The following NRG1 variants were observed in gnomAD, a reference collection of about 807,000 sequenced individuals.
NRG1 encodes neuregulin 1, also known as pro-neuregulin-1, membrane-bound isoform.
A neutral mutation model predicts 63.8 loss-of-function variants in NRG1; 18 were observed. That is an observed-to-expected ratio of 0.28 (90% CI 0.19 to 0.42). The LOEUF is 0.42. NRG1 is among the 10% of genes least tolerant of loss of function. The pLI, the probability that NRG1 is intolerant of heterozygous loss-of-function variation, is 1.00. For synonymous variants in NRG1, 302 were observed against 301.3 expected (o/e 1.00, Z -0.02); for missense variants, 762 against 814.7 (o/e 0.94, Z 0.79).
chr8:32,319,429 G>T (rs181562685), intron 1 of NRG1, among the ~76,000 whole-genome samples: 1 of 152,266 alleles, frequency 6.6e-6, no homozygotes, highest in East Asian at 1.9e-4. Context: ...GAAGCCTTGA[G>T]AACTGCCTAT....
At chr8:31,692,940 A>G (rs181366590) in intron 1 of NRG1, among the ~76,000 whole-genome samples, 12 of 152,330 alleles carry the variant, frequency 7.9e-5, no homozygotes, top group African/African-American at 2.6e-4. Flanking sequence ...ATCTCTGAAG[A>G]TACAACCTGG....
At chr8:32,764,673 T>C (rs1307958624) in exon 12 of NRG1, 3 of 257,966 alleles carry the variant, frequency 1.2e-5, no homozygotes, top group Non-Finnish European at 2.2e-5. Flanking sequence ...TGATTGCTTT[T>C]CCACAGTATT....
intron 1 of NRG1, among the ~76,000 whole-genome samples, chr8:32,205,108 A>G (rs1264543604): frequency 6.6e-6 from 1 of 152,214 alleles, no homozygotes. Context: ...AACATATCAT[A>G]TAAATGGCTT....
intron 5 of NRG1, among the ~76,000 whole-genome samples, chr8:32,640,994 T>C (rs1588912721): frequency 6.6e-6 from 1 of 151,476 alleles, no homozygotes; most frequent in African/African-American, 2.4e-5. Context: ...CAAAAATAAG[T>C]TAGCCAGGCA....
intron 1 of NRG1, among the ~76,000 whole-genome samples, chr8:32,469,082 C>T (rs943971091): frequency 6.6e-6 from 1 of 152,108 alleles, no homozygotes; most frequent in African/African-American, 2.4e-5. Context: ...ACAAGGGAAA[C>T]GATGGAGGTG....
intron 1 of NRG1, among the ~76,000 whole-genome samples, chr8:31,868,701 G>C (rs997227153): frequency 6.6e-6 from 1 of 152,108 alleles, no homozygotes; most frequent in Non-Finnish European, 1.5e-5. Context: ...ATCTTTCACC[G>C]TGCACTGTCT....
At chr8:32,608,900 T>A (rs1845806517) in intron 3 of NRG1, among the ~76,000 whole-genome samples, 1 of 152,218 alleles carries the variant, frequency 6.6e-6, no homozygotes, top group Non-Finnish European at 1.5e-5. Context: ...ACTGTATGAT[T>A]GTTTCCTTGG....
chr8:32,585,659 A>T (rs755740844), intron 1 of NRG1, among the ~76,000 whole-genome samples: 1 of 151,264 alleles, frequency 6.6e-6, no homozygotes, highest in East Asian at 1.9e-4. Flanking sequence ...GTTCAAAAGA[A>T]TTATTTTAAC....
At chr8:32,254,754 C>T (rs1013896889) in intron 1 of NRG1, among the ~76,000 whole-genome samples, 1 of 152,132 alleles carries the variant, frequency 6.6e-6, no homozygotes, top group Non-Finnish European at 1.5e-5. Context: ...GTTGATCTGT[C>T]TAATGTTGAC....
At chr8:31,670,286 C>T (rs1223791787) in intron 1 of NRG1, among the ~76,000 whole-genome samples, 2 of 152,098 alleles carry the variant, frequency 1.3e-5, no homozygotes, top group Admixed American at 6.6e-5. Flanking sequence ...GTTCTAGTTC[C>T]TTTGCTTTTG....
Position 32,527,209 on chromosome 8 carries a change from A to G in NRG1, c.38-68619A>G, listed in dbSNP as rs1413704187. ...CCACTTATATGTTTATTGCAGCACT[A>G]CTCACAAAGGGCAAAAACATGGAAT... is the stretch of plus-strand genomic sequence containing the variant. On this transcript the variant is annotated intron_variant, in intron 1 of 10. Coordinates refer to the NRG1 transcript ENST00000519301. Among the ~76,000 whole-genome samples, 5 of 152,158 alleles carry G rather than the reference A, an allele frequency of 3.3e-5. No homozygotes were observed. The East Asian group carries it at 9.6e-4, about 29-fold the overall frequency.
chr8:32,214,565 C>G (rs898737150), intron 1 of NRG1, among the ~76,000 whole-genome samples: 3 of 152,026 alleles, frequency 2.0e-5, no homozygotes, highest in African/African-American at 7.2e-5. Flanking sequence ...ATCACTTGAT[C>G]CCAGGGGTTC....
At chr8:32,675,137 A>G (rs546188561) in intron 5 of NRG1, among the ~76,000 whole-genome samples, 2 of 152,312 alleles carry the variant, frequency 1.3e-5, no homozygotes, top group South Asian at 2.1e-4. Context: ...ATTACTGGCC[A>G]TAAAAAGAGC....
chr8:31,866,355 G>C (rs1828959118), intron 1 of NRG1, among the ~76,000 whole-genome samples: 1 of 152,152 alleles, frequency 6.6e-6, no homozygotes, highest in Non-Finnish European at 1.5e-5. Flanking sequence ...GAAGTTATTT[G>C]TCTAAGTTTG....
chr8:32,471,059 C>T (rs545854188), intron 1 of NRG1, among the ~76,000 whole-genome samples: 1 of 152,304 alleles, frequency 6.6e-6, no homozygotes, highest in East Asian at 1.9e-4. Context: ...ACCTCAGCCT[C>T]CCAGAGTGCT....
chr8:31,991,309 C>CTCT (rs879443470), intron 1 of NRG1, among the ~76,000 whole-genome samples: 11 of 151,244 alleles, frequency 7.3e-5, no homozygotes, highest in East Asian at 2.0e-4. Flanking sequence ...CTTCTTCCTC[C>CTCT]TCTTCTTCTT....
chr8:31,823,140 T>G (rs990871258), intron 1 of NRG1, among the ~76,000 whole-genome samples: 1 of 120,506 alleles, frequency 8.3e-6, no homozygotes, highest in African/African-American at 3.2e-5. Flanking sequence ...TTTTTTTTTT[T>G]TGGTAGTTCT....
chr8:31,752,964 A>T (rs1263376265), intron 1 of NRG1, among the ~76,000 whole-genome samples: 1 of 151,992 alleles, frequency 6.6e-6, no homozygotes, highest in Non-Finnish European at 1.5e-5. Flanking sequence ...ACTGTGTTTT[A>T]TTCTTGGCTT....
At chr8:32,460,932 G>C (rs1822232898) in intron 1 of NRG1, among the ~76,000 whole-genome samples, 1 of 152,050 alleles carries the variant, frequency 6.6e-6, no homozygotes, top group South Asian at 2.1e-4. Flanking sequence ...TAGATGTTAA[G>C]ACTATATATC....
Sources: gnomAD v4.1 joint callset for allele counts (sites outside exome capture counted in the v4.1 genomes callset) on GRCh38, gnomAD v4.1.1 for gene constraint, MANE v1.5 for transcripts, NCBI Gene and HGNC (gene_info 2026-07-23, HGNC 2026-07-21) for gene names.